The following XRN2 variants were observed in gnomAD, a reference collection of about 807,000 sequenced individuals.
XRN2 encodes the protein 5'-3' exoribonuclease 2.
A neutral mutation model predicts 138.5 loss-of-function variants in XRN2; 44 were observed. The ratio of observed to expected loss-of-function variants is 0.32; its 90% confidence interval spans 0.25 to 0.41. XRN2 has a LOEUF of 0.41. Ranked by LOEUF, XRN2 falls within the 10% of genes least tolerant of loss-of-function variation. The probability of loss-of-function intolerance (pLI) is 1.00; values close to 1 mark genes in which losing one functional copy is unlikely to be tolerated. For synonymous variants in XRN2, 354 were observed against 369.4 expected (o/e 0.96, Z 0.48); for missense variants, 937 against 1,169.3 (o/e 0.80, Z 2.90).
rs80056844 is a variant in XRN2 at position 21,383,070 on chromosome 20, A to G, written c.2648+1013A>G. On this transcript the variant is annotated intron_variant, in intron 28 of 29. Transcript: ENST00000377191. ...AAGAAAACTTTATAACTCTTTAGAG[A>G]CTCCAGAACTTTATTTCATTGTTAT... 4.6e-5 allele frequency among the ~76,000 whole-genome samples: 7 copies of G among 152,278 alleles called. No homozygotes were observed. The South Asian group carries it at 1.2e-3, about 27-fold the overall frequency.
chr20:21,370,320 A>T (rs1319974856), intron 27 of XRN2, among the ~76,000 whole-genome samples: 1 of 152,092 alleles, frequency 6.6e-6, no homozygotes, highest in African/African-American at 2.4e-5. Flanking sequence ...TTTGCTCAGG[A>T]TAACTTTGAT....
chr20:21,340,667 TCTAA>T (rs2038359800), intron 14 of XRN2, 50 bp from the exon 15 acceptor site: 16 of 1,587,840 alleles, frequency 1.0e-5, no homozygotes, highest in African/African-American at 4.0e-5. Flanking sequence ...CTTTCTGTCA[TCTAA>T]CTGTGTTGTG....
At chr20:21,372,360 A>G (rs1049232029) in intron 27 of XRN2, among the ~76,000 whole-genome samples, 16 of 152,292 alleles carry the variant, frequency 1.1e-4, no homozygotes, top group Admixed American at 4.6e-4. Flanking sequence ...TTTGAAGTAC[A>G]TGGCAAGTAG....
chr20:21,348,744 C>G (rs181676263), intron 19 of XRN2, among the ~76,000 whole-genome samples: 1 of 152,012 alleles, frequency 6.6e-6, no homozygotes, highest in African/African-American at 2.4e-5. Context: ...CCCGGGTTCA[C>G]GCCATTCTCC....
intron 24 of XRN2, among the ~76,000 whole-genome samples, chr20:21,358,721 G>A (rs934601172): frequency 6.6e-6 from 1 of 152,092 alleles, no homozygotes; most frequent in Non-Finnish European, 1.5e-5. Flanking sequence ...CTGTGAATTC[G>A]AAAAATCTTT....
Position 21,326,538 on chromosome 20 carries a change from C to T in XRN2, c.252C>T (p.Tyr84=). The change falls in exon 3 of 30, where the codon TAC becomes TAT. Residue 84 remains tyrosine (Y), a synonymous_variant. Coordinates refer to ENST00000377191, the MANE Select transcript of XRN2 (RefSeq NM_012255.5). ...AAATGATGGTTGCAATTTTTGAGTA[C>T]ATTGACAGACTTTTCAGTATTGTAA... ...EDEMMVAIFE[Y]IDRLFSIVRP... is the part of the protein sequence containing the mutation. The T allele has an allele frequency of 6.2e-7, 1 of 1,614,034 alleles. No homozygotes were observed. Among genetic ancestry groups the T allele is most frequent in the South Asian group, 1.1e-5 (1 of 91,074 alleles).
chr20:21,365,757 A>T, intron 26 of XRN2, 53 bp downstream of exon 26: 1 of 1,513,472 alleles, frequency 6.6e-7, no homozygotes, highest in Non-Finnish European at 8.9e-7. Flanking sequence ...GAATCATCCC[A>T]TAAAACAAGT....
At position 21,389,250 on chromosome 20, in the gene XRN2, CTCTT is replaced by C. The variant is rs766769281; in HGVS notation, c.2788-17_2788-14del. 23 of 1,605,424 alleles carry C rather than the reference CTCTT, an allele frequency of 1.4e-5. No homozygotes were observed. The South Asian group carries it at 1.6e-4, about 11-fold the overall frequency. ...CAGGAGTATCGGTCCAGAAAATAAA[CTCTT>C]TCTTTTGTTTATTTTCAGGGATATC... On this transcript the variant is annotated intron_variant, in intron 29 of 29. Transcript: ENST00000377191.
At chr20:21,389,186 G>A in intron 29 of XRN2, 87 bp from the exon 30 acceptor site, 1 of 1,173,580 alleles carries the variant, frequency 8.5e-7, no homozygotes, top group East Asian at 2.5e-5. Context: ...GTTTCCTTAT[G>A]ATGTGTTTTT....
At chr20:21,324,162 C>T (rs1437790287) in intron 1 of XRN2, among the ~76,000 whole-genome samples, 3 of 152,078 alleles carry the variant, frequency 2.0e-5, no homozygotes, top group Admixed American at 6.5e-5. Flanking sequence ...AAGAATTGAC[C>T]TGCTTTTTTC....
At chr20:21,305,147 C>G (rs527950725) in intron 1 of XRN2, among the ~76,000 whole-genome samples, 4 of 152,182 alleles carry the variant, frequency 2.6e-5, no homozygotes, top group African/African-American at 9.7e-5. Context: ...GCTGTCACAC[C>G]TGGCTATTCT....
intron 1 of XRN2, among the ~76,000 whole-genome samples, chr20:21,317,654 C>G (rs2037978593): frequency 6.6e-6 from 1 of 152,208 alleles, no homozygotes; most frequent in East Asian, 1.9e-4. Context: ...TAAATAGTCT[C>G]TGGGTTACTT....
At chr20:21,309,248 GT>G (rs2037845225) in intron 1 of XRN2, among the ~76,000 whole-genome samples, 3 of 152,184 alleles carry the variant, frequency 2.0e-5, no homozygotes, top group African/African-American at 7.2e-5. Context: ...TTCCTAAAAT[GT>G]TTGATAGAAT....
intron 27 of XRN2, among the ~76,000 whole-genome samples, chr20:21,372,506 A>T (rs550504788): frequency 5.9e-5 from 9 of 152,196 alleles, no homozygotes; most frequent in Non-Finnish European, 1.0e-4. Context: ...ATGCATTTTT[A>T]ACTACAGTAC....
At chr20:21,329,156 T>A (rs1053066401) in intron 4 of XRN2, among the ~76,000 whole-genome samples, 7 of 152,198 alleles carry the variant, frequency 4.6e-5, no homozygotes, top group African/African-American at 1.4e-4. Context: ...GTCATTTGCA[T>A]ACTTTCAATA....
At chr20:21,330,561 T>C in intron 5 of XRN2, 22 bp downstream of exon 5, 2 of 1,613,760 alleles carry the variant, frequency 1.2e-6, no homozygotes, top group Non-Finnish European at 1.7e-6. Flanking sequence ...CATACTTTGC[T>C]AGCTATTGCT....
Position 21,339,079 on chromosome 20 carries a change from G to C in XRN2, c.1269G>C (p.Lys423Asn), listed in dbSNP as rs757047052. Reference protein sequence around the residue: ...SFRRRQKEKRKRMKRDQPAFT... With the variant: ...SFRRRQKEKRNRMKRDQPAFT... ...GAAGACGACAGAAAGAAAAAAGAAAGAGAATGAAGGTGAGTTTTAATTAAT... is the reference window on the plus strand; with the variant it reads ...GAAGACGACAGAAAGAAAAAAGAAACAGAATGAAGGTGAGTTTTAATTAAT... The change falls in exon 14 of 30, where the codon AAG becomes AAC. Residue 423 changes from lysine (K) to asparagine (N), a missense_variant. Lys to Asn is a moderately conservative substitution (Grantham distance 94, BLOSUM62 0). Coordinates refer to ENST00000377191, the MANE Select transcript of XRN2 (RefSeq NM_012255.5). 2 of 1,605,544 alleles carry C rather than the reference G, an allele frequency of 1.2e-6. No homozygotes were observed. The highest frequency in any genetic ancestry group is 1.7e-6 in the Non-Finnish European group (2 of 1,175,308).
chr20:21,342,440 G>A (rs146694836), intron 15 of XRN2, among the ~76,000 whole-genome samples: 1 of 152,296 alleles, frequency 6.6e-6, no homozygotes, highest in Non-Finnish European at 1.5e-5. Context: ...AGAGACAGCA[G>A]CGGAGATTTA....
intron 27 of XRN2, among the ~76,000 whole-genome samples, chr20:21,378,405 T>C (rs775346269): frequency 3.9e-5 from 6 of 152,198 alleles, no homozygotes; most frequent in Non-Finnish European, 7.3e-5. Context: ...CATAAATGAA[T>C]GTGAAACTTT....
Sources: allele counts gnomAD v4.1 joint callset (sites outside exome capture counted in the v4.1 genomes callset), GRCh38; gene constraint gnomAD v4.1.1; transcripts MANE v1.5; gene names NCBI Gene and HGNC (gene_info 2026-07-23, HGNC 2026-07-21).